The following SIPA1L1 variants were observed in gnomAD, a reference collection of about 807,000 sequenced individuals.
SIPA1L1 encodes signal induced proliferation associated 1 like 1.
Under a neutral mutation model 162.7 loss-of-function variants are expected in SIPA1L1, and 26 were observed. The ratio of observed to expected loss-of-function variants is 0.16; its 90% CI spans 0.12 to 0.22. The LOEUF (loss-of-function observed/expected upper bound fraction) is 0.22, where lower values mean the gene tolerates loss of function less well. SIPA1L1 is among the 10% of genes least tolerant of loss of function. The pLI is 1.00. For synonymous variants in SIPA1L1, 829 were observed against 837.4 expected (o/e 0.99, Z 0.17); for missense variants, 1,874 against 2,241.0 (o/e 0.84, Z 3.31).
intron 2 of SIPA1L1, among the ~76,000 whole-genome samples, chr14:71,364,370 C>T (rs576417859): frequency 6.6e-6 from 1 of 152,288 alleles, no homozygotes; most frequent in Non-Finnish European, 1.5e-5. Context: ...CCTCCCCAAC[C>T]CCTGCACCCT....
At chr14:71,339,589 C>G (rs1238495648) in intron 2 of SIPA1L1, among the ~76,000 whole-genome samples, 1 of 152,126 alleles carries the variant, frequency 6.6e-6, no homozygotes, top group Non-Finnish European at 1.5e-5. Flanking sequence ...GTCTTAAACT[C>G]CGGACCTCAG....
intron 2 of SIPA1L1, among the ~76,000 whole-genome samples, chr14:71,460,053 A>G (rs762448200): frequency 2.0e-5 from 3 of 151,996 alleles, no homozygotes; most frequent in East Asian, 3.8e-4. Context: ...TATGAAGTCA[A>G]TAAATCTTAT....
chr14:71,348,144 T>G (rs1198639184), intron 2 of SIPA1L1, among the ~76,000 whole-genome samples: 2 of 152,216 alleles, frequency 1.3e-5, no homozygotes, highest in Non-Finnish European at 2.9e-5. Flanking sequence ...GTATGCAAAC[T>G]GTAAAGGTAC....
At chr14:71,326,786 A>G (rs2033865976) in intron 2 of SIPA1L1, among the ~76,000 whole-genome samples, 1 of 130,234 alleles carries the variant, frequency 7.7e-6, no homozygotes, top group Non-Finnish European at 1.5e-5. Context: ...ATCTCTGCTC[A>G]CTGCAACCTC....
chr14:71,680,478 G>A (rs191696016), intron 12 of SIPA1L1, among the ~76,000 whole-genome samples: 18 of 152,208 alleles, frequency 1.2e-4, no homozygotes, highest in Admixed American at 1.1e-3. Context: ...AGAGAAAGCA[G>A]GAAAGATCTA....
intron 4 of SIPA1L1, among the ~76,000 whole-genome samples, chr14:71,564,892 G>A (rs1471477319): frequency 5.9e-5 from 9 of 152,136 alleles, no homozygotes; most frequent in South Asian, 2.1e-4. Flanking sequence ...GGTTCTTATC[G>A]TTACTTTTCC....
At chr14:71,446,906 G>GGT (rs1376417038) in intron 2 of SIPA1L1, among the ~76,000 whole-genome samples, 2 of 53,244 alleles carry the variant, frequency 3.8e-5, no homozygotes, top group South Asian at 7.5e-4. Context: ...TTTTTTTTTT[G>GGT]TTTTTTTTTT....
chr14:71,711,658 A>G (rs139654539), intron 17 of SIPA1L1, among the ~76,000 whole-genome samples: 2 of 152,208 alleles, frequency 1.3e-5, no homozygotes, highest in East Asian at 1.9e-4. Flanking sequence ...GCCATTATCT[A>G]ACAAATCCCA....
At chr14:71,504,922 A>G (rs1211930874) in intron 2 of SIPA1L1, among the ~76,000 whole-genome samples, 1 of 152,108 alleles carries the variant, frequency 6.6e-6, no homozygotes, top group Admixed American at 6.5e-5. Context: ...AGATATGAAA[A>G]TTTTTAATGA....
At chr14:71,594,839 G>GCACTAAATGCCTTCCTGAGA (rs2035847258) in intron 5 of SIPA1L1, among the ~76,000 whole-genome samples, 1 of 152,178 alleles carries the variant, frequency 6.6e-6, no homozygotes, top group Non-Finnish European at 1.5e-5. Context: ...GAGATTTGAG[G>GCACTAAATGCCTTCCTGAGA]CACTAAATGC....
intron 3 of SIPA1L1, among the ~76,000 whole-genome samples, chr14:71,517,823 T>C (rs146079485): frequency 1.4e-3 from 210 of 152,346 alleles, no homozygotes; most frequent in Non-Finnish European, 2.5e-3. Flanking sequence ...TTGTAACTTT[T>C]ATATATTTTT....
At chr14:71,597,535 C>A (rs2036185679) in intron 5 of SIPA1L1, among the ~76,000 whole-genome samples, 1 of 152,192 alleles carries the variant, frequency 6.6e-6, no homozygotes, top group Admixed American at 6.5e-5. Context: ...AGCTCCCCAG[C>A]TGATCTCTTC....
Position 71,671,427 on chromosome 14 carries a change from G to T in SIPA1L1, c.2564G>T (p.Ser855Ile). Residue 855 changes from serine (S) to isoleucine (I), a missense_variant, in exon 11 of 24, where the codon AGC (serine) becomes ATC (isoleucine). Coordinates refer to ENST00000381232, the MANE Select transcript of SIPA1L1 (RefSeq NM_001386936.1). The part of the protein sequence containing the change: ...SKPYPGAELS[S>I]MGAIVWAVRA... ...CCATATCCAGGAGCCGAGCTCAGCA[G>T]CATGGGGGCCATTGTATGGGCAGTC... 1 of 1,614,218 alleles carries T rather than the reference G, an allele frequency of 6.2e-7. No individual in the cohort carries two copies. The highest frequency in any genetic ancestry group is 8.5e-7 in the Non-Finnish European group (1 of 1,180,042).
At chr14:71,728,464 G>A (rs1454108008) in intron 19 of SIPA1L1, among the ~76,000 whole-genome samples, 1 of 152,232 alleles carries the variant, frequency 6.6e-6, no homozygotes, top group Non-Finnish European at 1.5e-5. Flanking sequence ...TTTTTACCCA[G>A]TTGGTCACAT....
chr14:71,705,242 G>C lies in SIPA1L1; in HGVS notation c.3667G>C (p.Ala1223Pro), dbSNP rs2082355665. The C allele has an allele frequency of 1.9e-6, 3 of 1,613,770 alleles. No homozygotes were observed. The highest frequency in any genetic ancestry group is 2.5e-6 in the Non-Finnish European group (3 of 1,179,762). ...TCCAGAGCCAACATGCCATCTCCCA[G>C]CAGTATCAAAGGTACTGCCAGCTTT... The part of the protein sequence containing the change: ...DQMEPTCHLP[A>P]VSKVLPAFRE... Residue 1223 changes from alanine to proline, a missense_variant, in exon 16 of 24, where the codon GCA (alanine) becomes CCA (proline). Coordinates refer to ENST00000381232, the MANE Select transcript of SIPA1L1 (RefSeq NM_001386936.1).
At chr14:71,679,818 G>C (rs551279347) in intron 12 of SIPA1L1, among the ~76,000 whole-genome samples, 523 of 152,186 alleles carry the variant, frequency 3.4e-3, no homozygotes, top group Non-Finnish European at 5.5e-3. Flanking sequence ...AACCAACAAA[G>C]ATCAAAAGAG....
At chr14:71,375,582 C>G (rs1464905004) in intron 2 of SIPA1L1, among the ~76,000 whole-genome samples, 3 of 152,122 alleles carry the variant, frequency 2.0e-5, no homozygotes, top group Non-Finnish European at 4.4e-5. Context: ...CTTTACACCT[C>G]TTTTTCTTGC....
rs564581569 is a variant in SIPA1L1 at position 71,371,283 on chromosome 14, T to G, written c.-465+50102T>G. ...ATGGTTGCCTTACCTTGAGTAATGA[T>G]AAGGACAATATTTCTGTAATGGATT... On this transcript the variant is annotated intron_variant, in intron 2 of 23. Transcript: ENST00000381232. 6.7e-4 allele frequency among the ~76,000 whole-genome samples: 102 copies of G among 152,302 alleles called. 1 individual carries two copies. Among genetic ancestry groups the G allele is most frequent in the African/African-American group, 2.4e-3 (99 of 41,568 alleles).
chr14:71,613,865 T>G (rs2038509100), intron 5 of SIPA1L1, among the ~76,000 whole-genome samples: 1 of 121,540 alleles, frequency 8.2e-6, no homozygotes, highest in African/African-American at 2.7e-5. Context: ...ACTAGGGGCC[T>G]GAAGGAAGGA....
Sources: allele counts gnomAD v4.1 joint callset (sites outside exome capture counted in the v4.1 genomes callset), GRCh38; gene constraint gnomAD v4.1.1; transcripts MANE v1.5; gene names NCBI Gene and HGNC (gene_info 2026-07-23, HGNC 2026-07-21).